SLC25A39: variants seen among roughly 807,000 people sequenced by gnomAD.
The protein encoded by SLC25A39 is solute carrier family 25 member 39.
A neutral mutation model predicts 46.6 loss-of-function variants in SLC25A39; 44 were observed. The observed-to-expected ratio is 0.94, with a 90% CI of 0.74 to 1.21. The LOEUF is 1.21. Ranked by LOEUF, SLC25A39 falls within the 50% of genes most tolerant of loss-of-function variation. The pLI is 0.00. For missense variants in SLC25A39, 487 were observed against 473.0 expected (o/e 1.03, Z -0.28); for synonymous variants, 218 against 190.6 (o/e 1.14, Z -1.19).
chr17:44,322,047 G>C (rs538351378), intron 5 of SLC25A39, among the ~76,000 whole-genome samples: 1 of 152,174 alleles, frequency 6.6e-6, no homozygotes, highest in Non-Finnish European at 1.5e-5. Context: ...GCAGGAGTTC[G>C]AGACCAGCCT....
intron 1 of SLC25A39, 68 bp from the exon 2 acceptor site, chr17:44,323,645 G>T (rs1380838505): frequency 2.5e-6 from 3 of 1,201,822 alleles, no homozygotes; most frequent in African/African-American, 1.5e-5. Flanking sequence ...GCCACTGTGA[G>T]ACTTTTGTTT....
intron 1 of SLC25A39, 53 bp from the exon 2 acceptor site, chr17:44,323,630 G>T (rs1254791552): frequency 1.1e-5 from 14 of 1,330,694 alleles, no homozygotes; most frequent in African/African-American, 1.5e-5. Context: ...AGGAAAGGAG[G>T]CTGGGCCACT....
At position 44,324,689 on chromosome 17, in the gene SLC25A39, GCC is replaced by G. The variant is rs1160707926; in HGVS notation, c.-16+20_-16+21del. 6.6e-6 allele frequency: 1 copy of G among 152,386 alleles called. No homozygotes were observed. 9.4% of individuals were successfully genotyped at this position (152,386 alleles called of 1,614,324 possible). On this transcript the variant is annotated intron_variant, in intron 1 of 11. Coordinates refer to ENST00000377095, the MANE Select transcript of SLC25A39 (RefSeq NM_001143780.3). Reference sequence around the variant, plus strand: ...ACCCCCGCTTCCGTCTCCGCCCCCAGCCCCGGCCCAGTGCCGCCTACCTGGCT... The same window carrying G: ...ACCCCCGCTTCCGTCTCCGCCCCCAGCCGGCCCAGTGCCGCCTACCTGGCT...
chr17:44,323,434 G>GGCCCCCCCCCCCCCCC, intron 2 of SLC25A39, 44 bp downstream of exon 2: 7 of 1,367,872 alleles, frequency 5.1e-6, no homozygotes, highest in African/African-American at 1.5e-5. Context: ...TCTCCGGTCT[G>GGCCCCCCCCCCCCCCC]CCCCATCCCC....
chr17:44,320,067 G>A lies in SLC25A39; in HGVS notation c.1014C>T (p.Ile338=), dbSNP rs762362713. Residue 338 remains isoleucine (I), a synonymous_variant, in exon 12 of 12, where the codon ATC becomes ATT. Coordinates refer to ENST00000377095, the MANE Select transcript of SLC25A39 (RefSeq NM_001143780.3). The part of the protein sequence containing the change: ...IKAAPSCAIM[I]STYEFGKSFF... Reference sequence around the variant, plus strand: ...AGCTTTTGCCGAACTCATAGGTGCTGATCATGATGGCACAGGAGGGGGCAG... The same window carrying A: ...AGCTTTTGCCGAACTCATAGGTGCTAATCATGATGGCACAGGAGGGGGCAG... 8 of 1,614,026 alleles carry A rather than the reference G, an allele frequency of 5.0e-6. No individual in the cohort carries two copies. Among genetic ancestry groups the A allele is most frequent in the South Asian group, 1.1e-5 (1 of 91,068 alleles).
intron 3 of SLC25A39, 35 bp from the exon 4 acceptor site, chr17:44,322,887 C>G: frequency 6.2e-7 from 1 of 1,608,414 alleles, no homozygotes; most frequent in Non-Finnish European, 8.5e-7. Context: ...GTCAGGAGAG[C>G]CCCCACCCGC....
intron 3 of SLC25A39, 106 bp downstream of exon 3, chr17:44,323,178 C>A: frequency 5.1e-6 from 7 of 1,380,656 alleles, no homozygotes; most frequent in Non-Finnish European, 7.1e-6. Context: ...CCACCTCAGC[C>A]TCCCAAAGCG....
chr17:44,320,263 A>G lies in SLC25A39; in HGVS notation c.897T>C (p.His299=), dbSNP rs751171330. The G allele has an allele frequency of 4.3e-6, 7 of 1,613,632 alleles. No homozygotes were observed. The highest frequency in any genetic ancestry group is 3.3e-5 in the Admixed American group (2 of 59,998). Residue 299 remains histidine, a synonymous_variant, in exon 11 of 12, where the codon CAT becomes CAC. Transcript: ENST00000377095. ...GCAGCAGCAGCCAGGTGGAGTCCAC[A>G]TGCAGGGGGTTCACTGCAAACGCGA... ...AMEAVRVNPL[H]VDSTWLLLRR...
At position 44,321,104 on chromosome 17, in the gene SLC25A39, C is replaced by T. The variant is rs1248226427; in HGVS notation, c.645G>A (p.Leu215=). The stretch of plus-strand genomic sequence containing the variant: ...GGGCAGTGGGGCCCCAGCCCAGCCA[C>T]AGTGAGCGCCAGCCACCCTGAGCCA... ...TAVAQGGWRS[L]WLGWGPTALR... Residue 215 remains leucine (L), a synonymous_variant, in exon 8 of 12, where the codon CTG becomes CTA. Coordinates refer to ENST00000377095, the MANE Select transcript of SLC25A39 (RefSeq NM_001143780.3). The T allele has an allele frequency of 3.1e-6, 5 of 1,611,636 alleles. No individual in the cohort carries two copies. In the South Asian group the frequency reaches 5.5e-5, roughly 18 times the overall value.
chr17:44,320,310 T>C, intron 10 of SLC25A39, 34 bp from the exon 11 acceptor site: 2 of 1,613,486 alleles, frequency 1.2e-6, no homozygotes, highest in African/African-American at 2.7e-5. Context: ...TGAGACCCCA[T>C]TCAGGACCCC....
At position 44,323,291 on chromosome 17, in the gene SLC25A39, C is replaced by T. The variant is rs768357345; in HGVS notation, c.138G>A (p.Met46Ile). ...TCCAGGTCAGGTACTCACCGCTGGC[C>T]ATGGAGGGCCGCTGAGACTGCAGGC... Reference protein sequence around the residue: ...KVRLQSQRPSMASELMPSSRL... With the variant: ...KVRLQSQRPSIASELMPSSRL... Residue 46 changes from methionine (M) to isoleucine (I), a missense_variant, in exon 3 of 12, where the codon ATG becomes ATA. By Grantham distance (10) the Met-to-Ile change is conservative. Transcript: ENST00000377095. 3 of 1,613,812 alleles carry T rather than the reference C, an allele frequency of 1.9e-6. No individual in the cohort carries two copies. Among genetic ancestry groups the T allele is most frequent in the South Asian group, 2.2e-5 (2 of 91,066 alleles).
chr17:44,320,315 G>A (rs777845471), intron 10 of SLC25A39, 39 bp from the exon 11 acceptor site: 1 of 1,613,456 alleles, frequency 6.2e-7, no homozygotes, highest in Non-Finnish European at 8.5e-7. Flanking sequence ...CCCCATTCAG[G>A]ACCCCACCTG....
chr17:44,323,434 G>GCCC, intron 2 of SLC25A39, 44 bp downstream of exon 2: 31 of 1,367,850 alleles, frequency 2.3e-5, no homozygotes, highest in South Asian at 2.6e-5. Context: ...TCTCCGGTCT[G>GCCC]CCCCATCCCC....
Position 44,321,568 on chromosome 17 carries a change from CAG to C in SLC25A39, c.393-12_393-11del, listed in dbSNP as rs1242790412. 8.1e-6 allele frequency: 13 copies of C among 1,613,374 alleles called. No individual in the cohort carries two copies. The highest frequency in any genetic ancestry group is 3.3e-5 in the Admixed American group (2 of 59,936). The stretch of plus-strand genomic sequence containing the variant: ...TGGCACAGTCATCACCCTGGGGATA[CAG>C]AGAGAGGTTAGCTGGGACTCCCAAA... On this transcript the variant is annotated splice_polypyrimidine_tract_variant and intron_variant, in intron 6 of 11. Transcript: ENST00000377095.
chr17:44,321,766 T>C lies in SLC25A39; in HGVS notation c.326A>G (p.Asp109Gly), dbSNP rs764948512. Residue 109 changes from aspartate to glycine, a missense_variant and splice_region_variant, in exon 6 of 12, where the codon GAT (aspartate) becomes GGT (glycine). By Grantham distance (94) the Asp-to-Gly change is moderately conservative. Transcript: ENST00000377095. ...GTGCCTCACGATCTTCACGAAGGCA[T>C]CCTGGCCAAGCAGGCACCAGCCCAG... ...QDPTRFTGTM[D>G]AFVKIVRHEG... The C allele has an allele frequency of 2.5e-6, 4 of 1,611,358 alleles. No homozygotes were observed. The highest frequency in any genetic ancestry group is 3.4e-6 in the Non-Finnish European group (4 of 1,178,540).
chr17:44,322,482 C>T lies in SLC25A39; in HGVS notation c.261G>A (p.Leu87=). The T allele has an allele frequency of 2.5e-6, 4 of 1,614,148 alleles. No homozygotes were observed. The highest frequency in any genetic ancestry group is 1.6e-4 in the Middle Eastern group (1 of 6,062). Reference sequence around the variant, plus strand: ...TGGCACAGCGGGCACCATTTGGGCACAGGTACAGAGGCTCCAGGACACCAT... The same window carrying T: ...TGGCACAGCGGGCACCATTTGGGCATAGGTACAGAGGCTCCAGGACACCAT... ...YCNGVLEPLY[L]CPNGARCATW... Residue 87 remains leucine (L), a synonymous_variant, in exon 5 of 12, where the codon CTG becomes CTA. Transcript: ENST00000377095.
At position 44,320,570 on chromosome 17, in the gene SLC25A39, G is replaced by GC. The variant is rs1002967668; in HGVS notation, c.801+51dup. ...TCTGGGCATCTCCAAAAATCCTCAGGCCCCCCGCAGGGAGACCTCCGCTGG... is the reference window on the plus strand; with the variant it reads ...TCTGGGCATCTCCAAAAATCCTCAGGCCCCCCCGCAGGGAGACCTCCGCTGG... On this transcript the variant is annotated intron_variant, in intron 9 of 11. Coordinates refer to ENST00000377095, the MANE Select transcript of SLC25A39 (RefSeq NM_001143780.3). 2.4e-5 allele frequency: 38 copies of GC among 1,586,206 alleles called. No homozygotes were observed. In the African/African-American group the frequency reaches 2.7e-4, roughly 11 times the overall value.
chr17:44,323,434 GCCCCATCCCCAC>G, intron 2 of SLC25A39, 32 bp downstream of exon 2: 2 of 1,367,930 alleles, frequency 1.5e-6, no homozygotes, highest in Non-Finnish European at 2.0e-6. Context: ...TCTCCGGTCT[GCCCCATCCCCAC>G]CCGCCCCCAC....
intron 2 of SLC25A39, 31 bp downstream of exon 2, chr17:44,323,445 ACC>A (rs2143192225): frequency 1.0e-4 from 34 of 333,630 alleles, no homozygotes; most frequent in Non-Finnish European, 1.3e-4. Flanking sequence ...CCCCATCCCC[ACC>A]CGCCCCCACC....
Sources: gnomAD v4.1 joint callset for allele counts (sites outside exome capture counted in the v4.1 genomes callset) on GRCh38, gnomAD v4.1.1 for gene constraint, MANE v1.5 for transcripts, NCBI Gene and HGNC (gene_info 2026-07-23, HGNC 2026-07-21) for gene names.